Variants in EPHB2 observed in about 807,000 individuals in gnomAD.
EPHB2 encodes the protein EPH receptor B2.
In EPHB2, 18 loss-of-function variants were observed where a neutral mutation model predicts 96.4. The observed-to-expected ratio is 0.19, with a 90% CI of 0.13 to 0.28. The LOEUF (loss-of-function observed/expected upper bound fraction) is 0.28, where lower values mean the gene tolerates loss of function less well. EPHB2 is among the 10% of genes least tolerant of loss of function. The probability of loss-of-function intolerance (pLI) is 1.00; values close to 1 mark genes in which losing one functional copy is unlikely to be tolerated. For synonymous variants in EPHB2, 506 were observed against 534.1 expected, an observed-to-expected ratio of 0.95 and a Z score of 0.72; for missense variants, 989 against 1,355.4, an observed-to-expected ratio of 0.73 and a Z score of 4.25.
Position 22,863,370 on chromosome 1 carries a change from G to A in EPHB2, c.967+178G>A. 3 of 936,572 alleles carry A rather than the reference G, an allele frequency of 3.2e-6. 1 individual carries two copies. Among genetic ancestry groups the A allele is most frequent in the East Asian group, 5.3e-5 (2 of 37,998 alleles). The allele number at this position is 936,572 out of a possible 1,614,324, so 58.0% of individuals were successfully genotyped here. ...GGGGTGGCCATGCTCCCACCTTGCA[G>A]ACACCACAGTGCTGGCATCTGGCTC... On this transcript the variant is annotated intron_variant, in intron 4 of 15. Coordinates refer to ENST00000374630, the MANE Select transcript of EPHB2 (RefSeq NM_017449.5).
intron 1 of EPHB2, among the ~76,000 whole-genome samples, chr1:22,766,770 T>C (rs965104685): frequency 6.6e-6 from 1 of 152,122 alleles, no homozygotes; most frequent in Non-Finnish European, 1.5e-5. Context: ...ATTTGCCCTT[T>C]ATAGGAAAAA....
intron 3 of EPHB2, among the ~76,000 whole-genome samples, chr1:22,844,171 G>T (rs1260873822): frequency 6.6e-6 from 1 of 152,196 alleles, no homozygotes; most frequent in Non-Finnish European, 1.5e-5. Flanking sequence ...CTAATATTCG[G>T]ATTGTTGGGT....
chr1:22,835,064 A>G (rs1317677241), intron 3 of EPHB2, among the ~76,000 whole-genome samples: 5 of 152,222 alleles, frequency 3.3e-5, no homozygotes, highest in Non-Finnish European at 5.9e-5. Context: ...AGCATTGTAT[A>G]CAGCACAGGA....
At chr1:22,752,920 A>G (rs1436376364) in intron 1 of EPHB2, among the ~76,000 whole-genome samples, 1 of 150,888 alleles carries the variant, frequency 6.6e-6, no homozygotes, top group Non-Finnish European at 1.5e-5. Context: ...ATTAGCTAGG[A>G]CTACAGGTGC....
At chr1:22,797,186 C>T (rs2148442136) in intron 3 of EPHB2, among the ~76,000 whole-genome samples, 1 of 152,218 alleles carries the variant, frequency 6.6e-6, no homozygotes, top group East Asian at 1.9e-4. Context: ...TTCTGAAGCC[C>T]CCTTGCTGCT....
chr1:22,756,126 G>A (rs926527984), intron 1 of EPHB2, among the ~76,000 whole-genome samples: 1 of 152,188 alleles, frequency 6.6e-6, no homozygotes, highest in South Asian at 2.1e-4. Flanking sequence ...GGATGGGCTG[G>A]GGGTCCATCA....
At chr1:22,712,713 C>T (rs949860625) in intron 1 of EPHB2, among the ~76,000 whole-genome samples, 1 of 152,182 alleles carries the variant, frequency 6.6e-6, no homozygotes, top group African/African-American at 2.4e-5. Context: ...GCCACGGGCC[C>T]TGGGTGTGGA....
In EPHB2 at chr1:22,775,551, C is replaced by T. The variant is rs547886527; in HGVS notation, c.62-5870C>T. Among the ~76,000 whole-genome samples, 3 of 152,394 alleles carry T rather than the reference C, an allele frequency of 2.0e-5. No individual in the cohort carries two copies. The East Asian group carries it at 5.8e-4, about 29-fold the overall frequency. ...TCCAGCCTGAGAGCAGGCAGGCCCC[C>T]TGCAGCCACCTCCTTTCAGCCCAAC... On this transcript the variant is annotated intron_variant, in intron 1 of 15. Transcript: ENST00000374630.
Position 22,845,567 on chromosome 1 carries a change from T to C in EPHB2, c.812-17470T>C, listed in dbSNP as rs193196664. Among the ~76,000 whole-genome samples, 11 of 152,274 alleles carry C rather than the reference T, an allele frequency of 7.2e-5. No individual in the cohort carries two copies. In the East Asian group the frequency reaches 2.1e-3, roughly 29 times the overall value. The stretch of plus-strand genomic sequence containing the variant: ...AGTCCTTGTCTGTGGGTGCTAGAGC[T>C]AAGTGCTTGTCAAGTTTATGAACTT... On this transcript the variant is annotated intron_variant, in intron 3 of 15. Coordinates refer to ENST00000374630, the MANE Select transcript of EPHB2 (RefSeq NM_017449.5).
intron 1 of EPHB2, among the ~76,000 whole-genome samples, chr1:22,776,712 A>G (rs1325871887): frequency 6.6e-6 from 1 of 152,264 alleles, no homozygotes; most frequent in Non-Finnish European, 1.5e-5. Context: ...TGCATTTAAG[A>G]AAGAAAAGGA....
chr1:22,749,856 C>T (rs1045064030), intron 1 of EPHB2, among the ~76,000 whole-genome samples: 6 of 152,182 alleles, frequency 3.9e-5, no homozygotes, highest in East Asian at 1.9e-4. Flanking sequence ...GAAAGACATA[C>T]GGACAAAAGG....
chr1:22,880,892 C>T (rs1191275715), intron 5 of EPHB2, among the ~76,000 whole-genome samples: 1 of 152,260 alleles, frequency 6.6e-6, no homozygotes, highest in Non-Finnish European at 1.5e-5. Context: ...CAAGAACAGG[C>T]TGTGTGCCAT....
chr1:22,747,012 G>C (rs771491566), intron 1 of EPHB2, among the ~76,000 whole-genome samples: 3 of 152,216 alleles, frequency 2.0e-5, no homozygotes, highest in Admixed American at 6.5e-5. Flanking sequence ...GAGAGCAGGA[G>C]AGTCCCTCAG....
intron 5 of EPHB2, among the ~76,000 whole-genome samples, chr1:22,872,066 T>C (rs1402664416): frequency 6.6e-6 from 1 of 151,898 alleles, no homozygotes; most frequent in Non-Finnish European, 1.5e-5. Flanking sequence ...AAAAGCAGTG[T>C]TGGCAGGATG....
At chr1:22,731,850 AAAC>A (rs1643721046) in intron 1 of EPHB2, among the ~76,000 whole-genome samples, 1 of 152,176 alleles carries the variant, frequency 6.6e-6, no homozygotes, top group South Asian at 2.1e-4. Context: ...AAACAAAACA[AAAC>A]AACAACAACA....
chr1:22,823,460 T>C (rs1050646535), intron 3 of EPHB2, among the ~76,000 whole-genome samples: 2 of 152,182 alleles, frequency 1.3e-5, no homozygotes, highest in African/African-American at 2.4e-5. Context: ...CTTTGTGAAA[T>C]TGTTCACAAA....
At chr1:22,843,820 C>T (rs1268841137) in intron 3 of EPHB2, among the ~76,000 whole-genome samples, 1 of 152,236 alleles carries the variant, frequency 6.6e-6, no homozygotes, top group Non-Finnish European at 1.5e-5. Context: ...GGATTACAGG[C>T]GTGGGCCACC....
intron 1 of EPHB2, among the ~76,000 whole-genome samples, chr1:22,731,374 A>AG (rs1419036277): frequency 2.0e-5 from 3 of 152,012 alleles, no homozygotes; most frequent in Admixed American, 1.3e-4. Flanking sequence ...CGGACCACCG[A>AG]GGGGCTCTGC....
chr1:22,804,192 A>G (rs988874380), intron 3 of EPHB2, among the ~76,000 whole-genome samples: 1 of 152,142 alleles, frequency 6.6e-6, no homozygotes, highest in African/African-American at 2.4e-5. Flanking sequence ...TGCCGCGGCC[A>G]GTGTAGGAAT....
Sources: allele counts gnomAD v4.1 joint callset (sites outside exome capture counted in the v4.1 genomes callset), GRCh38; gene constraint gnomAD v4.1.1; transcripts MANE v1.5; gene names NCBI Gene and HGNC (gene_info 2026-07-23, HGNC 2026-07-21).